NTM: variants seen among roughly 807,000 people sequenced by gnomAD.
The protein encoded by NTM is IgLON family member 2.
A neutral mutation model predicts 42.1 loss-of-function variants in NTM; 13 were observed. That is an observed-to-expected ratio of 0.31 (90% CI 0.20 to 0.49). NTM has a LOEUF of 0.49. NTM is among the 20% of genes least tolerant of loss of function. The pLI, the probability that NTM is intolerant of heterozygous loss-of-function variation, is 0.99. For missense variants in NTM, 373 were observed against 452.8 expected (o/e 0.82, Z 1.60); for synonymous variants, 187 against 179.2 (o/e 1.04, Z -0.35).
chr11:132,205,289 C>A (rs971635668), intron 3 of NTM, among the ~76,000 whole-genome samples: 2 of 152,152 alleles, frequency 1.3e-5, no homozygotes, highest in African/African-American at 4.8e-5. Flanking sequence ...CACAGTGCTT[C>A]ATAAAGCATC....
chr11:131,672,455 G>A (rs755067062), intron 1 of NTM, among the ~76,000 whole-genome samples: 1 of 152,176 alleles, frequency 6.6e-6, no homozygotes, highest in Non-Finnish European at 1.5e-5. Context: ...CAGCTCCGAG[G>A]AAACCGCATC....
intron 1 of NTM, among the ~76,000 whole-genome samples, chr11:131,390,593 G>A (rs1943880027): frequency 6.6e-6 from 1 of 152,128 alleles, no homozygotes; most frequent in South Asian, 2.1e-4. Flanking sequence ...GGTCGGGGTG[G>A]AGAAGGACTT....
intron 7 of NTM, among the ~76,000 whole-genome samples, chr11:132,318,084 A>C (rs1309735291): frequency 1.3e-5 from 2 of 152,186 alleles, no homozygotes; most frequent in Non-Finnish European, 2.9e-5. Context: ...CAAGCACATG[A>C]TAATTCAGAT....
chr11:131,518,258 G>A (rs939509511), intron 1 of NTM, among the ~76,000 whole-genome samples: 1 of 152,112 alleles, frequency 6.6e-6, no homozygotes, highest in Admixed American at 6.5e-5. Flanking sequence ...AAAGACTCGA[G>A]TCACCCATGC....
chr11:131,773,913 G>A (rs1347531347), intron 1 of NTM: 8 of 607,978 alleles, frequency 1.3e-5, no homozygotes, highest in Non-Finnish European at 1.7e-5. Context: ...TGTCAGCTAC[G>A]ACTGCTGGAC....
chr11:131,509,057 A>AAT (rs1565580441), intron 1 of NTM, among the ~76,000 whole-genome samples: 2 of 150,346 alleles, frequency 1.3e-5, no homozygotes, highest in African/African-American at 4.9e-5. Context: ...ATAATAATAA[A>AAT]AAAGAAATTT....
At chr11:131,654,719 C>T (rs982428907) in intron 1 of NTM, among the ~76,000 whole-genome samples, 3 of 152,018 alleles carry the variant, frequency 2.0e-5, no homozygotes, top group African/African-American at 7.3e-5. Flanking sequence ...AAGGGCCTGG[C>T]ACCTCCCACG....
chr11:132,106,671 GT>G (rs2136663534), intron 2 of NTM, among the ~76,000 whole-genome samples: 1 of 152,344 alleles, frequency 6.6e-6, no homozygotes, highest in South Asian at 2.1e-4. Flanking sequence ...TATCTGCAGA[GT>G]TTAAACAAAC....
At chr11:131,892,492 A>C (rs957888887) in intron 1 of NTM, among the ~76,000 whole-genome samples, 2 of 152,160 alleles carry the variant, frequency 1.3e-5, no homozygotes, top group Non-Finnish European at 2.9e-5. Flanking sequence ...GCTGATTTCT[A>C]ATTTAAAAGT....
At chr11:132,275,043 A>G (rs1400528529) in intron 4 of NTM, among the ~76,000 whole-genome samples, 2 of 152,028 alleles carry the variant, frequency 1.3e-5, no homozygotes, top group Admixed American at 6.6e-5. Context: ...TTTGGGTTAC[A>G]TTTTCATTTT....
chr11:131,595,733 C>A (rs762078521), intron 1 of NTM, among the ~76,000 whole-genome samples: 1 of 152,176 alleles, frequency 6.6e-6, no homozygotes, highest in Non-Finnish European at 1.5e-5. Context: ...TTCTGTGCCT[C>A]CTATTGGGAA....
At chr11:132,183,472 A>G (rs1677279329) in intron 3 of NTM, among the ~76,000 whole-genome samples, 1 of 152,110 alleles carries the variant, frequency 6.6e-6, no homozygotes, top group Non-Finnish European at 1.5e-5. Flanking sequence ...TCATGCCACC[A>G]TAAACTCTAA....
At chr11:132,227,510 A>T (rs1435175501) in intron 4 of NTM, among the ~76,000 whole-genome samples, 11 of 152,010 alleles carry the variant, frequency 7.2e-5, no homozygotes, top group Middle Eastern at 3.2e-3. Flanking sequence ...TCTAAAGTCC[A>T]ATCTGCAGCC....
chr11:131,574,399 C>T (rs59640468), intron 1 of NTM, among the ~76,000 whole-genome samples: 11,719 of 152,142 alleles, frequency 0.077, 1,481 homozygotes, highest in African/African-American at 0.27. Context: ...TGTTCATACT[C>T]TATTTTACAG....
chr11:131,792,657 G>T (rs1455895247), intron 1 of NTM, among the ~76,000 whole-genome samples: 1 of 152,132 alleles, frequency 6.6e-6, no homozygotes, highest in East Asian at 1.9e-4. Flanking sequence ...TGGCTTAGAC[G>T]GTGATGCTGA....
At chr11:131,953,194 C>A (rs1349726371) in intron 2 of NTM, among the ~76,000 whole-genome samples, 2 of 152,136 alleles carry the variant, frequency 1.3e-5, no homozygotes, top group African/African-American at 4.8e-5. Flanking sequence ...GCCATGGCAA[C>A]ATTCATTGGT....
At chr11:131,750,239 T>G (rs2135687705) in intron 1 of NTM, among the ~76,000 whole-genome samples, 1 of 141,158 alleles carries the variant, frequency 7.1e-6, no homozygotes, top group African/African-American at 2.6e-5. Context: ...GTTGCCACCT[T>G]TGTCCAGGAT....
chr11:131,824,853 C>T (rs2041940690), intron 1 of NTM, among the ~76,000 whole-genome samples: 2 of 152,130 alleles, frequency 1.3e-5, no homozygotes, highest in Non-Finnish European at 2.9e-5. Flanking sequence ...TTGTGCAAAG[C>T]TCTGCTGTAA....
intron 1 of NTM, among the ~76,000 whole-genome samples, chr11:131,831,882 C>T (rs1447448872): frequency 6.7e-6 from 1 of 149,790 alleles, no homozygotes; most frequent in African/African-American, 2.4e-5. Context: ...ATAAAAGGTC[C>T]CAAAATTAAT....
Sources: allele counts gnomAD v4.1 joint callset (sites outside exome capture counted in the v4.1 genomes callset), GRCh38; gene constraint gnomAD v4.1.1; transcripts MANE v1.5; gene names NCBI Gene and HGNC (gene_info 2026-07-23, HGNC 2026-07-21).